Variants in LRRC8C observed in about 807,000 individuals in gnomAD.
The protein encoded by LRRC8C is volume-regulated anion channel subunit LRRC8C.
In LRRC8C, 20 loss-of-function variants were observed where a neutral mutation model predicts 55.3. The observed-to-expected ratio is 0.36, with a 90% CI of 0.25 to 0.53. The LOEUF (loss-of-function observed/expected upper bound fraction) is 0.53, where lower values mean the gene tolerates loss of function less well. Ranked by LOEUF, LRRC8C falls within the 20% of genes least tolerant of loss-of-function variation. The probability of loss-of-function intolerance (pLI) is 0.92; values close to 1 mark genes in which losing one functional copy is unlikely to be tolerated. For missense variants in LRRC8C, 659 were observed against 951.4 expected (o/e 0.69, Z 4.04); for synonymous variants, 376 against 360.7 (o/e 1.04, Z -0.48).
chr1:89,702,847 T>A (rs1398905534), intron 2 of LRRC8C, among the ~76,000 whole-genome samples: 1 of 152,108 alleles, frequency 6.6e-6, no homozygotes, highest in East Asian at 1.9e-4. Flanking sequence ...GTCAATGAAT[T>A]ATAAAATATC....
intron 2 of LRRC8C, among the ~76,000 whole-genome samples, chr1:89,701,605 G>A (rs1336818140): frequency 6.6e-6 from 1 of 152,080 alleles, no homozygotes; most frequent in Non-Finnish European, 1.5e-5. Context: ...CTGGTGGGGA[G>A]GGAATTTGAC....
chr1:89,663,508 T>C (rs1657172115), intron 1 of LRRC8C, among the ~76,000 whole-genome samples: 1 of 150,220 alleles, frequency 6.7e-6, no homozygotes, highest in Non-Finnish European at 1.5e-5. Flanking sequence ...AGGCAGAGCT[T>C]GCAGTGAGCC....
At chr1:89,635,065 T>C (rs1435423086) in intron 1 of LRRC8C, among the ~76,000 whole-genome samples, 4 of 152,246 alleles carry the variant, frequency 2.6e-5, no homozygotes, top group African/African-American at 4.8e-5. Context: ...ATTAAGCACT[T>C]TAATGAAATG....
At chr1:89,680,218 C>T (rs1264335645) in intron 1 of LRRC8C, among the ~76,000 whole-genome samples, 1 of 151,942 alleles carries the variant, frequency 6.6e-6, no homozygotes, top group Non-Finnish European at 1.5e-5. Context: ...GCTGGGACTA[C>T]AGGTACTCAC....
At chr1:89,677,898 T>C (rs1404157500) in intron 1 of LRRC8C, among the ~76,000 whole-genome samples, 3 of 152,270 alleles carry the variant, frequency 2.0e-5, no homozygotes. Flanking sequence ...ATAATTTTTA[T>C]GTAATTGGGA....
At chr1:89,685,473 T>G (rs1237796601) in intron 1 of LRRC8C, among the ~76,000 whole-genome samples, 1 of 152,202 alleles carries the variant, frequency 6.6e-6, no homozygotes, top group Non-Finnish European at 1.5e-5. Flanking sequence ...TTTTTGGCCC[T>G]CCTTGGCCAC....
At chr1:89,711,039 G>A (rs761643346) in intron 2 of LRRC8C, among the ~76,000 whole-genome samples, 3 of 152,232 alleles carry the variant, frequency 2.0e-5, no homozygotes, top group East Asian at 1.9e-4. Flanking sequence ...ATGAAAAGAC[G>A]GTCAGCTGCA....
At chr1:89,616,090 A>T in the LRRC8C span, among the ~76,000 whole-genome samples, 1 of 152,092 alleles carries the variant, frequency 6.6e-6, no homozygotes, top group African/African-American at 2.4e-5. Context: ...GACCATGGAG[A>T]TCATTGTGCC....
At chr1:89,656,514 A>G (rs1179209737) in intron 1 of LRRC8C, among the ~76,000 whole-genome samples, 1 of 152,218 alleles carries the variant, frequency 6.6e-6, no homozygotes, top group Middle Eastern at 3.2e-3. Flanking sequence ...GTAGAAATGC[A>G]CATTTGAGAC....
intron 1 of LRRC8C, among the ~76,000 whole-genome samples, chr1:89,644,509 A>G (rs962347319): frequency 1.9e-4 from 29 of 152,226 alleles, no homozygotes; most frequent in Non-Finnish European, 1.9e-4. Flanking sequence ...ATGGAGGGGA[A>G]CTGATCCTTG....
intron 1 of LRRC8C, among the ~76,000 whole-genome samples, chr1:89,643,995 G>A (rs1245405150): frequency 6.6e-6 from 1 of 152,102 alleles, no homozygotes; most frequent in African/African-American, 2.4e-5. Context: ...ACCTACAAAT[G>A]CACTGAAATA....
chr1:89,664,953 T>A (rs1453782307), intron 1 of LRRC8C, among the ~76,000 whole-genome samples: 1 of 152,226 alleles, frequency 6.6e-6, no homozygotes, highest in Non-Finnish European at 1.5e-5. Context: ...CTATTATTGC[T>A]GTATAGGAAT....
intron 1 of LRRC8C, among the ~76,000 whole-genome samples, chr1:89,654,312 A>G (rs1208539896): frequency 6.6e-6 from 1 of 152,338 alleles, no homozygotes; most frequent in African/African-American, 2.4e-5. Flanking sequence ...CTTAATAAGT[A>G]CAATGAACAT....
intron 1 of LRRC8C, among the ~76,000 whole-genome samples, chr1:89,685,405 G>T (rs529976563): frequency 2.0e-5 from 3 of 152,112 alleles, no homozygotes; most frequent in South Asian, 2.1e-4. Context: ...GTGAGCCACC[G>T]CGCCCGGCCA....
chr1:89,698,458 A>G (rs1178128297), intron 2 of LRRC8C, among the ~76,000 whole-genome samples: 1 of 152,154 alleles, frequency 6.6e-6, no homozygotes, highest in East Asian at 1.9e-4. Flanking sequence ...TTTGTTCTGT[A>G]TAATGATTTA....
chr1:89,620,220 C>G, the LRRC8C span, among the ~76,000 whole-genome samples: 1 of 152,136 alleles, frequency 6.6e-6, no homozygotes, highest in Non-Finnish European at 1.5e-5. Context: ...ATTCATGATG[C>G]TGGAAATCTC....
chr1:89,677,311 T>G (rs114572319), intron 1 of LRRC8C, among the ~76,000 whole-genome samples: 4,723 of 152,290 alleles, frequency 0.031, 239 homozygotes, highest in African/African-American at 0.11. Flanking sequence ...AAGTATTCAT[T>G]GGGTTGCAAG....
At chr1:89,667,205 C>T (rs1657291714) in intron 1 of LRRC8C, among the ~76,000 whole-genome samples, 1 of 152,120 alleles carries the variant, frequency 6.6e-6, no homozygotes, top group African/African-American at 2.4e-5. Context: ...CATCCTATCA[C>T]TTTTTATAAC....
intron 1 of LRRC8C, among the ~76,000 whole-genome samples, chr1:89,685,188 G>A (rs1485393267): frequency 7.0e-6 from 1 of 143,242 alleles, no homozygotes; most frequent in Non-Finnish European, 1.5e-5. Context: ...GCGCAATCTC[G>A]GCTCACTGCA....
Sources: gnomAD v4.1 joint callset for allele counts (sites outside exome capture counted in the v4.1 genomes callset) on GRCh38, gnomAD v4.1.1 for gene constraint, MANE v1.5 for transcripts, NCBI Gene and HGNC (gene_info 2026-07-23, HGNC 2026-07-21) for gene names.